The following TULP4 variants were observed in gnomAD, a reference collection of about 807,000 sequenced individuals.
TULP4 encodes the protein TUB like protein 4.
A neutral mutation model predicts 129.0 loss-of-function variants in TULP4; 16 were observed. That is an observed-to-expected ratio of 0.12 (90% CI 0.08 to 0.19). The LOEUF is 0.19. Ranked by LOEUF, TULP4 falls within the 10% of genes least tolerant of loss-of-function variation. The pLI is 1.00. For missense variants in TULP4, 1,842 were observed against 2,059.1 expected (o/e 0.89, Z 2.04); for synonymous variants, 998 against 854.0 (o/e 1.17, Z -2.94).
At chr6:158,351,128 T>C (rs1404752932) in intron 1 of TULP4, among the ~76,000 whole-genome samples, 2 of 152,180 alleles carry the variant, frequency 1.3e-5, no homozygotes, top group Admixed American at 1.3e-4. Flanking sequence ...CCTGGATACT[T>C]TGCATTGCAT....
At position 158,449,187 on chromosome 6, in the gene TULP4, GC is replaced by G. The variant is rs1217110256; in HGVS notation, c.724+14del. The stretch of plus-strand genomic sequence containing the variant: ...ACGCCCCTCCCCAAGGTACTCATTG[GC>G]CCTACTTTCCTTGTCACTGACCAGA... On this transcript the variant is annotated intron_variant, in intron 4 of 13. Transcript: ENST00000367097. 1 of 1,605,604 alleles carries G rather than the reference GC, an allele frequency of 6.2e-7. No homozygotes were observed. The highest frequency in any genetic ancestry group is 8.5e-7 in the Non-Finnish European group (1 of 1,175,622).
At chr6:158,474,152 CAT>C (rs1213926609) in intron 6 of TULP4, among the ~76,000 whole-genome samples, 1 of 152,228 alleles carries the variant, frequency 6.6e-6, no homozygotes, top group Non-Finnish European at 1.5e-5. Flanking sequence ...CTATTTTGCA[CAT>C]GTTTGTACAG....
At chr6:158,463,767 G>A (rs1333914958) in intron 6 of TULP4, among the ~76,000 whole-genome samples, 4 of 147,768 alleles carry the variant, frequency 2.7e-5, no homozygotes, top group African/African-American at 1.0e-4. Flanking sequence ...TACCAGATAT[G>A]GGGAAATCTG....
At position 158,261,232 on chromosome 6, in the gene TULP4, T is replaced by C. The variant is rs1778347298; in HGVS notation, n.68+28929T>C. Reference sequence around the variant, plus strand: ...CAGGCACGTGGAGGCTGTTGAGCAGTTGAAATGCAGCTAAGGCAACTGAGA... The same window carrying C: ...CAGGCACGTGGAGGCTGTTGAGCAGCTGAAATGCAGCTAAGGCAACTGAGA... On this transcript the variant is annotated intron_variant and non_coding_transcript_variant, in intron 1 of 1. Transcript: ENST00000620026. 3.9e-5 allele frequency among the ~76,000 whole-genome samples: 6 copies of C among 152,336 alleles called. No homozygotes were observed. In the South Asian group the frequency reaches 6.2e-4, roughly 16 times the overall value.
At chr6:158,430,820 A>G (rs1778612159) in intron 3 of TULP4, among the ~76,000 whole-genome samples, 1 of 152,228 alleles carries the variant, frequency 6.6e-6, no homozygotes, top group Non-Finnish European at 1.5e-5. Context: ...TTTTCCATGT[A>G]TAGCAGAATA....
At position 158,425,706 on chromosome 6, in the gene TULP4, C is replaced by T. The variant is rs9456301; in HGVS notation, c.382-4030C>T. On this transcript the variant is annotated intron_variant, in intron 2 of 13. Transcript: ENST00000367097. Reference sequence around the variant, plus strand: ...GCAACCTCCACCTCCCAGGTTCAAGCGATTCTCCTATTTTAGCCTTCTGAG... The same window carrying T: ...GCAACCTCCACCTCCCAGGTTCAAGTGATTCTCCTATTTTAGCCTTCTGAG... Among the ~76,000 whole-genome samples the T allele has an allele frequency of 8.2e-3, 1,239 of 151,818 alleles. 11 individuals carry two copies. The highest frequency in any genetic ancestry group is 0.023 in the African/African-American group (967 of 41,420).
intron 1 of TULP4, chr6:158,237,500 T>G (rs1583662334): frequency 2.6e-6 from 4 of 1,550,566 alleles, no homozygotes; most frequent in African/African-American, 1.4e-5. Context: ...CTACTCACAG[T>G]TTTTCTGGCA....
At chr6:158,331,289 G>C (rs537968274) in intron 1 of TULP4, among the ~76,000 whole-genome samples, 359 of 152,266 alleles carry the variant, frequency 2.4e-3, no homozygotes, top group Non-Finnish European at 4.2e-3. Context: ...GCAGCTGACA[G>C]ATGTAATCAA....
chr6:158,373,688 C>T (rs1326372820), intron 1 of TULP4, among the ~76,000 whole-genome samples: 10 of 152,206 alleles, frequency 6.6e-5, no homozygotes, highest in Admixed American at 6.5e-4. Flanking sequence ...TGCCTTTGTT[C>T]TCCTGAGTCC....
At chr6:158,274,166 G>A (rs1328223516) in intron 1 of TULP4, among the ~76,000 whole-genome samples, 1 of 152,126 alleles carries the variant, frequency 6.6e-6, no homozygotes, top group Admixed American at 6.5e-5. Flanking sequence ...GCTGAGGCAG[G>A]AGAATTGCTT....
chr6:158,267,774 G>A (rs764829460), intron 1 of TULP4, among the ~76,000 whole-genome samples: 8 of 152,124 alleles, frequency 5.3e-5, no homozygotes, highest in Non-Finnish European at 1.2e-4. Flanking sequence ...GTTTTCCTCC[G>A]TGGGTTGGTA....
intron 1 of TULP4, among the ~76,000 whole-genome samples, chr6:158,362,919 G>A (rs1326131277): frequency 6.6e-6 from 1 of 152,000 alleles, no homozygotes; most frequent in Admixed American, 6.6e-5. Flanking sequence ...AAAATTAGCC[G>A]GGTGCAGTGG....
chr6:158,314,594 A>T (rs1180801360), intron 1 of TULP4, among the ~76,000 whole-genome samples: 1 of 152,164 alleles, frequency 6.6e-6, no homozygotes, highest in Non-Finnish European at 1.5e-5. Context: ...TGGGGGGTTA[A>T]ATTAGATGAT....
chr6:158,483,923 GTT>G (rs111713315), intron 8 of TULP4, among the ~76,000 whole-genome samples: 2 of 144,562 alleles, frequency 1.4e-5, no homozygotes, highest in Non-Finnish European at 1.5e-5. Context: ...AGTCCCAGTA[GTT>G]TTTTTTTTTT....
chr6:158,238,217 A>T, intron 1 of TULP4: 1 of 861,974 alleles, frequency 1.2e-6, no homozygotes. Context: ...CTTAATTTCA[A>T]TTGCATTTTC....
At chr6:158,397,594 A>G (rs1230458769) in intron 1 of TULP4, among the ~76,000 whole-genome samples, 1 of 151,380 alleles carries the variant, frequency 6.6e-6, no homozygotes, top group Admixed American at 6.6e-5. Flanking sequence ...GTCATCAGCT[A>G]TTGTTTTTGA....
chr6:158,290,459 G>C (rs550247347), intron 1 of TULP4, among the ~76,000 whole-genome samples: 2 of 152,266 alleles, frequency 1.3e-5, no homozygotes, highest in Admixed American at 1.3e-4. Context: ...CTCCCATTCT[G>C]TGGATTATGT....
chr6:158,494,757 A>G lies in TULP4; in HGVS notation c.1781A>G (p.Asn594Ser). ...EFPFEDITQH[N>S]YLAQVTSNIW... ...TTTCTTTTCTTCCTACCGCAGCACA[A>G]CTATCTTGCTCAGGTCACGTCTAAT... is the stretch of plus-strand genomic sequence containing the variant. The change falls in exon 11 of 14, where the codon AAC (asparagine) becomes AGC (serine). Residue 594 changes from asparagine to serine, a missense_variant. Asn to Ser is a conservative substitution (Grantham distance 46). Coordinates refer to ENST00000367097, the MANE Select transcript of TULP4 (RefSeq NM_020245.5). 1.2e-6 allele frequency: 2 copies of G among 1,612,604 alleles called. No individual in the cohort carries two copies. The highest frequency in any genetic ancestry group is 1.7e-6 in the Non-Finnish European group (2 of 1,179,518).
intron 1 of TULP4, among the ~76,000 whole-genome samples, chr6:158,276,006 G>C (rs1294824471): frequency 6.6e-6 from 1 of 152,050 alleles, no homozygotes; most frequent in East Asian, 1.9e-4. Flanking sequence ...GTCTTGCTCT[G>C]TCACTCAGGC....
Sources: allele counts gnomAD v4.1 joint callset (sites outside exome capture counted in the v4.1 genomes callset), GRCh38; gene constraint gnomAD v4.1.1; transcripts MANE v1.5; gene names NCBI Gene and HGNC (gene_info 2026-07-23, HGNC 2026-07-21).